The following PCDH9 variants were observed in gnomAD, a reference collection of about 807,000 sequenced individuals.
The protein encoded by PCDH9 is protocadherin 9.
Under a neutral mutation model 70.6 loss-of-function variants are expected in PCDH9, and 24 were observed. The ratio of observed to expected loss-of-function variants is 0.34; its 90% CI spans 0.25 to 0.48. The LOEUF (loss-of-function observed/expected upper bound fraction) is 0.48. Ranked by LOEUF, PCDH9 falls within the 20% of genes least tolerant of loss-of-function variation. The pLI is 0.99. For synonymous variants in PCDH9, 562 were observed against 558.5 expected (o/e 1.01, Z -0.09); for missense variants, 1,281 against 1,503.6 (o/e 0.85, Z 2.45).
At chr13:66,499,510 T>C (rs1213763398) in intron 4 of PCDH9, among the ~76,000 whole-genome samples, 2 of 152,182 alleles carry the variant, frequency 1.3e-5, no homozygotes, top group East Asian at 3.9e-4. Flanking sequence ...AAGATGGTGG[T>C]GATGGAGACA....
chr13:66,896,405 C>T (rs75535914), intron 3 of PCDH9, among the ~76,000 whole-genome samples: 1,793 of 152,102 alleles, frequency 0.012, 28 homozygotes, highest in African/African-American at 0.04. Context: ...AATAACAAAC[C>T]TGCACATTCT....
At chr13:66,620,676 C>T (rs569243146) in intron 4 of PCDH9, among the ~76,000 whole-genome samples, 1 of 152,166 alleles carries the variant, frequency 6.6e-6, no homozygotes, top group Admixed American at 6.5e-5. Flanking sequence ...TACTTTCTCT[C>T]CTACAAAAAT....
At chr13:66,737,577 T>C (rs1189653456) in intron 3 of PCDH9, among the ~76,000 whole-genome samples, 1 of 152,184 alleles carries the variant, frequency 6.6e-6, no homozygotes, top group Non-Finnish European at 1.5e-5. Flanking sequence ...CATTTCCATC[T>C]GAGGTACCGG....
At chr13:67,000,226 G>T (rs892642603) in intron 2 of PCDH9, among the ~76,000 whole-genome samples, 13 of 151,004 alleles carry the variant, frequency 8.6e-5, no homozygotes, top group Non-Finnish European at 7.4e-5. Flanking sequence ...GTAAACTATC[G>T]CAGGGACAAA....
chr13:67,118,437 T>G (rs1244161121), intron 2 of PCDH9, among the ~76,000 whole-genome samples: 1 of 152,160 alleles, frequency 6.6e-6, no homozygotes, highest in East Asian at 1.9e-4. Context: ...TGGATATGTA[T>G]AGTAAAAACT....
intron 4 of PCDH9, among the ~76,000 whole-genome samples, chr13:66,500,811 A>G (rs1398652967): frequency 1.3e-5 from 2 of 152,136 alleles, no homozygotes; most frequent in African/African-American, 2.4e-5. Flanking sequence ...TAATATCACC[A>G]TTAATATTCT....
intron 3 of PCDH9, among the ~76,000 whole-genome samples, chr13:66,734,011 T>G (rs1461365079): frequency 6.6e-6 from 1 of 152,096 alleles, no homozygotes; most frequent in East Asian, 1.9e-4. Context: ...GTATTTTTGC[T>G]TAGGTCAGGG....
intron 4 of PCDH9, among the ~76,000 whole-genome samples, chr13:66,422,141 G>A (rs558376001): frequency 1.3e-3 from 194 of 152,232 alleles, no homozygotes; most frequent in African/African-American, 4.4e-3. Flanking sequence ...CAATACAGGA[G>A]CACCCAGATT....
chr13:66,487,347 T>C (rs762683734), intron 4 of PCDH9, among the ~76,000 whole-genome samples: 12 of 152,196 alleles, frequency 7.9e-5, no homozygotes, highest in Non-Finnish European at 1.6e-4. Flanking sequence ...TGTACACATG[T>C]TATCTAGGAC....
Position 67,118,389 on chromosome 13 carries a change from G to T in PCDH9, c.3036+107016C>A, listed in dbSNP as rs1258436364. Among the ~76,000 whole-genome samples, 20 of 152,138 alleles carry T rather than the reference G, an allele frequency of 1.3e-4. 1 individual carries two copies. The highest frequency in any genetic ancestry group is 1.3e-3 in the Admixed American group (20 of 15,270). On this transcript the variant is annotated intron_variant, in intron 2 of 4. Transcript: ENST00000377865. ...TGTTTTGGGGTATTTTTTGGTAGCA[G>T]TCTGGGCAAGTAAACCTACAGAAAA...
intron 4 of PCDH9, among the ~76,000 whole-genome samples, chr13:66,451,365 C>A (rs1958205711): frequency 6.6e-6 from 1 of 152,056 alleles, no homozygotes; most frequent in African/African-American, 2.4e-5. Flanking sequence ...ATGATTATTG[C>A]AAAATAATAA....
chr13:67,021,185 A>T (rs1044734800), intron 2 of PCDH9, among the ~76,000 whole-genome samples: 1 of 152,182 alleles, frequency 6.6e-6, no homozygotes, highest in African/African-American at 2.4e-5. Flanking sequence ...GCAAAGTGAC[A>T]ACTGCTTATG....
At chr13:67,022,518 G>A (rs181091484) in intron 2 of PCDH9, among the ~76,000 whole-genome samples, 85 of 152,284 alleles carry the variant, frequency 5.6e-4, no homozygotes, top group Admixed American at 9.8e-4. Context: ...TGAAAAATGT[G>A]TTAAATTATT....
At chr13:67,151,478 A>T (rs1479849741) in intron 2 of PCDH9, among the ~76,000 whole-genome samples, 1 of 152,038 alleles carries the variant, frequency 6.6e-6, no homozygotes, top group Non-Finnish European at 1.5e-5. Context: ...GTAAACTCAG[A>T]GCTCCTACTT....
At chr13:66,450,847 C>T (rs540180522) in intron 4 of PCDH9, among the ~76,000 whole-genome samples, 1 of 152,130 alleles carries the variant, frequency 6.6e-6, no homozygotes, top group Non-Finnish European at 1.5e-5. Context: ...AACCCCTTCT[C>T]TACTAAAGAA....
intron 3 of PCDH9, among the ~76,000 whole-genome samples, chr13:66,706,235 A>G (rs2078709848): frequency 6.6e-6 from 1 of 152,198 alleles, no homozygotes; most frequent in Non-Finnish European, 1.5e-5. Flanking sequence ...CAGCTTCAAG[A>G]ACACTTCCAC....
At chr13:66,362,351 A>G (rs1956485105) in intron 4 of PCDH9, among the ~76,000 whole-genome samples, 2 of 152,188 alleles carry the variant, frequency 1.3e-5, no homozygotes, top group Non-Finnish European at 2.9e-5. Flanking sequence ...CTCCATTTCA[A>G]TACTATTCAG....
intron 2 of PCDH9, among the ~76,000 whole-genome samples, chr13:66,935,539 G>A (rs866733037): frequency 2.6e-5 from 4 of 152,054 alleles, no homozygotes; most frequent in Middle Eastern, 3.2e-3. Flanking sequence ...GCTCTACCTA[G>A]GTGAACAGTT....
At chr13:66,955,769 T>C (rs140055258) in intron 2 of PCDH9, among the ~76,000 whole-genome samples, 1 of 152,252 alleles carries the variant, frequency 6.6e-6, no homozygotes, top group East Asian at 1.9e-4. Flanking sequence ...TTGCGTTTGT[T>C]ATGGGAATGA....
Sources: gnomAD v4.1 joint callset for allele counts (sites outside exome capture counted in the v4.1 genomes callset) on GRCh38, gnomAD v4.1.1 for gene constraint, MANE v1.5 for transcripts, NCBI Gene and HGNC (gene_info 2026-07-23, HGNC 2026-07-21) for gene names.